Variants in EPHB1 observed in about 807,000 individuals in gnomAD.
EPHB1 encodes ephrin type-B receptor 1.
A neutral mutation model predicts 94.4 loss-of-function variants in EPHB1; 30 were observed. The observed-to-expected ratio is 0.32, with a 90% confidence interval of 0.24 to 0.43. EPHB1 has a LOEUF of 0.43. Ranked by LOEUF, EPHB1 falls within the 20% of genes least tolerant of loss-of-function variation. The pLI is 1.00. For synonymous variants in EPHB1, 522 were observed against 489.1 expected (o/e 1.07, Z -0.89); for missense variants, 1,055 against 1,308.3 (o/e 0.81, Z 2.99).
In EPHB1 at chr3:134,814,967, G is replaced by C. The variant is rs184246588; in HGVS notation, c.58+19278G>C. ...AACTAAATTCAGTTGTGCCTGGATC[G>C]AGAGTCCCAGTCTCTAAACTTCTGC... On this transcript the variant is annotated intron_variant, in intron 1 of 15. Coordinates refer to ENST00000398015, the MANE Select transcript of EPHB1 (RefSeq NM_004441.5). Among the ~76,000 whole-genome samples the C allele has an allele frequency of 1.7e-4, 26 of 152,292 alleles. No homozygotes were observed. The East Asian group carries it at 4.6e-3, about 27-fold the overall frequency.
chr3:135,106,612 C>A lies in EPHB1; in HGVS notation c.961+9C>A. The A allele has an allele frequency of 6.2e-7, 1 of 1,613,868 alleles. No individual in the cohort carries two copies. Among genetic ancestry groups the A allele is most frequent in the Non-Finnish European group, 8.5e-7 (1 of 1,179,788 alleles). ...AGAAGTGGCATGCACTAGTAAGTGT[C>A]TAGTAATGGCTCTGGGCTGGGGAGT... On this transcript the variant is annotated intron_variant, in intron 4 of 15. Coordinates refer to ENST00000398015, the MANE Select transcript of EPHB1 (RefSeq NM_004441.5).
intron 5 of EPHB1, among the ~76,000 whole-genome samples, chr3:135,141,732 C>G (rs1363230553): frequency 6.6e-6 from 1 of 152,158 alleles, no homozygotes; most frequent in African/African-American, 2.4e-5. Flanking sequence ...GAGGCACAGA[C>G]AGGCAGCCTT....
chr3:134,972,563 A>G (rs1249136390), intron 3 of EPHB1, among the ~76,000 whole-genome samples: 3 of 141,110 alleles, frequency 2.1e-5, no homozygotes, highest in Non-Finnish European at 4.7e-5. Context: ...TAAATATATT[A>G]TATATTAAAT....
At position 135,217,585 on chromosome 3, in the gene EPHB1, C is replaced by T. The variant is rs114818033; in HGVS notation, c.2346+15896C>T. Among the ~76,000 whole-genome samples the T allele has an allele frequency of 4.6e-3, 698 of 152,170 alleles. 8 individuals are homozygous for T. Among genetic ancestry groups the T allele is most frequent in the African/African-American group, 0.015 (637 of 41,494 alleles). ...AGAGCGATGTACACACAGAACTATACGCAATCACCCAGGGCTACCCAGAAA... is the reference window on the plus strand; with the variant it reads ...AGAGCGATGTACACACAGAACTATATGCAATCACCCAGGGCTACCCAGAAA... On this transcript the variant is annotated intron_variant, in intron 12 of 15. Coordinates refer to ENST00000398015, the MANE Select transcript of EPHB1 (RefSeq NM_004441.5).
At chr3:135,181,624 A>T (rs935042407) in intron 10 of EPHB1, among the ~76,000 whole-genome samples, 14 of 152,194 alleles carry the variant, frequency 9.2e-5, no homozygotes, top group African/African-American at 3.4e-4. Flanking sequence ...TCATGTGCTT[A>T]GAGCGATGTG....
Position 135,190,428 on chromosome 3 carries a change from C to A in EPHB1, c.1883-2148C>A, listed in dbSNP as rs188359198. Among the ~76,000 whole-genome samples, 12 of 152,206 alleles carry A rather than the reference C, an allele frequency of 7.9e-5. No individual in the cohort carries two copies. The East Asian group carries it at 2.3e-3, about 29-fold the overall frequency. On this transcript the variant is annotated intron_variant, in intron 10 of 15. Transcript: ENST00000398015. ...CAATATTCTTCCATTAGTATACTTACCAAATATGTAATTTGTGTTCATTCA... is the reference window on the plus strand; with the variant it reads ...CAATATTCTTCCATTAGTATACTTAACAAATATGTAATTTGTGTTCATTCA...
chr3:134,940,766 T>C (rs186265154), intron 2 of EPHB1, among the ~76,000 whole-genome samples: 2 of 152,338 alleles, frequency 1.3e-5, no homozygotes, highest in African/African-American at 4.8e-5. Context: ...TATTATTCAT[T>C]TGTTTGTTTG....
At chr3:135,051,358 A>G (rs138681596) in intron 3 of EPHB1, among the ~76,000 whole-genome samples, 6 of 152,288 alleles carry the variant, frequency 3.9e-5, no homozygotes, top group Non-Finnish European at 7.4e-5. Context: ...CACCTTCCAA[A>G]GTTTATTTTT....
chr3:134,842,899 C>T (rs1010433454), intron 1 of EPHB1, among the ~76,000 whole-genome samples: 3 of 152,088 alleles, frequency 2.0e-5, no homozygotes, highest in Non-Finnish European at 4.4e-5. Context: ...CTCAACAATA[C>T]GGTGTTATTA....
At chr3:135,172,131 A>G (rs976777236) in intron 9 of EPHB1, among the ~76,000 whole-genome samples, 3 of 152,234 alleles carry the variant, frequency 2.0e-5, no homozygotes, top group Admixed American at 6.5e-5. Flanking sequence ...GTAGCTGTCC[A>G]GAAGAGAGCA....
At chr3:135,143,204 A>G (rs1471724803) in intron 5 of EPHB1, among the ~76,000 whole-genome samples, 1 of 152,068 alleles carries the variant, frequency 6.6e-6, no homozygotes, top group East Asian at 1.9e-4. Context: ...GGAAAGTCAG[A>G]ATCAAGAAGA....
Position 135,006,514 on chromosome 3 carries a change from A to G in EPHB1, c.805+54462A>G, listed in dbSNP as rs78738107. Among the ~76,000 whole-genome samples, 1,393 of 152,356 alleles carry G rather than the reference A, an allele frequency of 9.1e-3. 25 individuals are homozygous for G. Among genetic ancestry groups the G allele is most frequent in the African/African-American group, 0.032 (1,318 of 41,570 alleles). Reference sequence around the variant, plus strand: ...TTTGCACCATAAAAATGACAATAAAAGATTGAAATGTTTTGCCAAAGCCTA... The same window carrying G: ...TTTGCACCATAAAAATGACAATAAAGGATTGAAATGTTTTGCCAAAGCCTA... On this transcript the variant is annotated intron_variant, in intron 3 of 15. Coordinates refer to ENST00000398015, the MANE Select transcript of EPHB1 (RefSeq NM_004441.5).
At chr3:135,186,612 G>A (rs954058427) in intron 10 of EPHB1, among the ~76,000 whole-genome samples, 3 of 152,188 alleles carry the variant, frequency 2.0e-5, no homozygotes, top group African/African-American at 7.2e-5. Context: ...GTGCAATTGT[G>A]TGTAGATTTG....
chr3:134,926,563 T>C (rs2038794999), intron 2 of EPHB1, among the ~76,000 whole-genome samples: 1 of 152,110 alleles, frequency 6.6e-6, no homozygotes, highest in Non-Finnish European at 1.5e-5. Context: ...GAATGCCGGT[T>C]GAAAGGGATG....
intron 2 of EPHB1, among the ~76,000 whole-genome samples, chr3:134,949,273 G>A (rs1932920567): frequency 6.6e-6 from 1 of 152,148 alleles, no homozygotes; most frequent in South Asian, 2.1e-4. Flanking sequence ...GGAGTCCTGG[G>A]AGTCTGGGGT....
chr3:135,241,196 C>G lies in EPHB1; in HGVS notation c.2395C>G (p.Arg799Gly). Residue 799 changes from arginine (R) to glycine (G), a missense_variant, in exon 13 of 16, where the codon CGC becomes GGC. Transcript: ENST00000398015. ...RWTAPEAIAY[R>G]KFTSASDVWS... ...GACAGCTCCAGAGGCCATCGCCTAC[C>G]GCAAGTTCACTTCAGCCAGCGACGT... 1 of 1,614,150 alleles carries G rather than the reference C, an allele frequency of 6.2e-7. No individual in the cohort carries two copies. Among genetic ancestry groups the G allele is most frequent in the Non-Finnish European group, 8.5e-7 (1 of 1,180,026 alleles).
chr3:134,832,979 C>T (rs1396284128), intron 1 of EPHB1, among the ~76,000 whole-genome samples: 1 of 152,194 alleles, frequency 6.6e-6, no homozygotes, highest in African/African-American at 2.4e-5. Context: ...ACCAGTAATG[C>T]TGTTTTTTAA....
At chr3:134,919,527 G>A (rs1384891244) in intron 1 of EPHB1, among the ~76,000 whole-genome samples, 1 of 152,194 alleles carries the variant, frequency 6.6e-6, no homozygotes, top group South Asian at 2.1e-4. Context: ...GCAGCAGGAG[G>A]TCCGGACATG....
intron 3 of EPHB1, among the ~76,000 whole-genome samples, chr3:135,102,788 C>T (rs1321371113): frequency 6.6e-6 from 1 of 152,128 alleles, no homozygotes; most frequent in Non-Finnish European, 1.5e-5. Flanking sequence ...CATGGAATAC[C>T]TTGCAGCCAT....
Sources: allele counts gnomAD v4.1 joint callset (sites outside exome capture counted in the v4.1 genomes callset), GRCh38; gene constraint gnomAD v4.1.1; transcripts MANE v1.5; gene names NCBI Gene and HGNC (gene_info 2026-07-23, HGNC 2026-07-21).